The following ITFG1 variants were observed in gnomAD, a reference collection of about 807,000 sequenced individuals.
The protein encoded by ITFG1 is T-cell immunomodulatory protein.
In ITFG1, 34 loss-of-function variants were observed where a neutral mutation model predicts 81.8. The observed-to-expected ratio is 0.42, with a 90% CI of 0.32 to 0.55. ITFG1 has a LOEUF of 0.55. Among genes scored for constraint, ITFG1 ranks in the 20% least tolerant of loss-of-function variants. ITFG1 has a pLI of 0.17. For missense variants in ITFG1, 672 were observed against 755.4 expected (o/e 0.89, Z 1.29); for synonymous variants, 285 against 270.6 (o/e 1.05, Z -0.52).
At chr16:47,420,897 C>T (rs2151606497) in intron 6 of ITFG1, among the ~76,000 whole-genome samples, 1 of 152,244 alleles carries the variant, frequency 6.6e-6, no homozygotes, top group South Asian at 2.1e-4. Flanking sequence ...TCTATCTCTG[C>T]CTTTAGATAT....
intron 8 of ITFG1, among the ~76,000 whole-genome samples, chr16:47,325,944 A>G (rs1332084443): frequency 1.3e-5 from 2 of 152,174 alleles, no homozygotes; most frequent in Non-Finnish European, 2.9e-5. Flanking sequence ...AATCAACACA[A>G]AAAGAGGGAA....
intron 10 of ITFG1, among the ~76,000 whole-genome samples, chr16:47,285,314 G>T (rs1043780392): frequency 6.6e-6 from 1 of 152,222 alleles, no homozygotes; most frequent in Non-Finnish European, 1.5e-5. Context: ...GCTGGAGGGG[G>T]TTGTGCCCAG....
At chr16:47,388,088 G>A (rs1019301306) in intron 6 of ITFG1, among the ~76,000 whole-genome samples, 17 of 152,100 alleles carry the variant, frequency 1.1e-4, no homozygotes, top group Non-Finnish European at 7.3e-5. Context: ...GGGGCTCAAC[G>A]TTAGCTTTGA....
chr16:47,364,166 T>TA (rs1322176740), intron 8 of ITFG1, among the ~76,000 whole-genome samples: 1 of 152,200 alleles, frequency 6.6e-6, no homozygotes, highest in African/African-American at 2.4e-5. Flanking sequence ...CATGAACTTT[T>TA]AAAAAGCCAA....
At chr16:47,160,800 G>T (rs944595631) in intron 16 of ITFG1, among the ~76,000 whole-genome samples, 1 of 152,146 alleles carries the variant, frequency 6.6e-6, no homozygotes, top group Non-Finnish European at 1.5e-5. Context: ...TCATGGAGTA[G>T]ATTCTCCTAC....
At chr16:47,243,088 C>T (rs976889478) in intron 12 of ITFG1, among the ~76,000 whole-genome samples, 8 of 151,942 alleles carry the variant, frequency 5.3e-5, no homozygotes, top group Non-Finnish European at 1.2e-4. Flanking sequence ...CAGCACTATT[C>T]ATAATAAGAG....
At chr16:47,162,890 C>G in intron 14 of ITFG1, 1 of 294,362 alleles carries the variant, frequency 3.4e-6, no homozygotes, top group East Asian at 6.3e-5. Flanking sequence ...CTGCACTGAG[C>G]CTTGACCTCT....
At chr16:47,456,710 A>G (rs1036067163) in intron 2 of ITFG1, among the ~76,000 whole-genome samples, 11 of 151,872 alleles carry the variant, frequency 7.2e-5, no homozygotes, top group African/African-American at 2.7e-4. Context: ...AAAAAAAAAA[A>G]AAGTGGGTAG....
intron 12 of ITFG1, among the ~76,000 whole-genome samples, chr16:47,243,167 C>T (rs531846661): frequency 6.6e-6 from 1 of 152,104 alleles, no homozygotes; most frequent in South Asian, 2.1e-4. Context: ...CTATATGATA[C>T]TATTCAGTAG....
chr16:47,269,895 G>A lies in ITFG1; in HGVS notation c.1071-9200C>T, dbSNP rs569753015. ...AATTGACTACTCATTTTAAACAATA[G>A]TAATCAAGTGTGGTACTGCCACAAA... On this transcript the variant is annotated intron_variant, in intron 10 of 17. Transcript: ENST00000320640. Among the ~76,000 whole-genome samples the A allele has an allele frequency of 4.6e-5, 7 of 152,264 alleles. No individual in the cohort carries two copies. The South Asian group carries it at 6.2e-4, about 14-fold the overall frequency.
At chr16:47,456,026 T>C (rs1459384459) in intron 2 of ITFG1, among the ~76,000 whole-genome samples, 5 of 152,018 alleles carry the variant, frequency 3.3e-5, no homozygotes, top group African/African-American at 1.2e-4. Flanking sequence ...GCCTCTAGCT[T>C]GAAAGGGCCC....
intron 6 of ITFG1, among the ~76,000 whole-genome samples, chr16:47,420,883 A>G (rs981839600): frequency 6.6e-6 from 1 of 152,212 alleles, no homozygotes; most frequent in Non-Finnish European, 1.5e-5. Flanking sequence ...GGATTAAGAC[A>G]GAGTCTATCT....
At chr16:47,422,928 T>C (rs565804209) in intron 6 of ITFG1, among the ~76,000 whole-genome samples, 14 of 152,348 alleles carry the variant, frequency 9.2e-5, no homozygotes, top group Admixed American at 2.0e-4. Flanking sequence ...GTTCTGTAGA[T>C]GTCTATTAGG....
chr16:47,294,839 G>A lies in ITFG1; in HGVS notation c.1070+16401C>T, dbSNP rs915537335. Among the ~76,000 whole-genome samples the A allele has an allele frequency of 4.6e-5, 7 of 152,074 alleles. No homozygotes were observed. In the East Asian group the frequency reaches 1.2e-3, roughly 25 times the overall value. The stretch of plus-strand genomic sequence containing the variant: ...AGTTTGACTTTCTCTTTTCCAATTT[G>A]CATGGTTTTCATATCTTTCTATTGT... On this transcript the variant is annotated intron_variant, in intron 10 of 17. Transcript: ENST00000320640.
At chr16:47,280,484 G>C (rs1404912176) in intron 10 of ITFG1, among the ~76,000 whole-genome samples, 1 of 152,078 alleles carries the variant, frequency 6.6e-6, no homozygotes, top group African/African-American at 2.4e-5. Context: ...TTGATATATT[G>C]CTGGGATTCT....
intron 8 of ITFG1, among the ~76,000 whole-genome samples, chr16:47,330,550 T>C (rs1276208061): frequency 6.6e-6 from 1 of 151,854 alleles, no homozygotes; most frequent in Non-Finnish European, 1.5e-5. Context: ...ACCTATAGAA[T>C]GGGAGAAAAT....
intron 10 of ITFG1, among the ~76,000 whole-genome samples, chr16:47,293,300 C>A (rs1279210615): frequency 1.3e-5 from 2 of 151,160 alleles, no homozygotes; most frequent in East Asian, 3.9e-4. Flanking sequence ...AGTATGAATA[C>A]CGCTGCAATA....
Position 47,311,344 on chromosome 16 carries a change from T to C in ITFG1, c.966A>G (p.Glu322=). The change falls in exon 10 of 18, where the codon GAA becomes GAG. Residue 322 remains glutamate, a synonymous_variant. Transcript: ENST00000320640. ...GAATTGGTATTTCAGTTGGTTGCTG[T>C]TCATCCACAAATGGCACAAAGCCCC... is the stretch of plus-strand genomic sequence containing the variant. ...TLWGFVPFVD[E]QQPTEIPIPI... is the part of the protein sequence containing the mutation. 1 of 1,613,938 alleles carries C rather than the reference T, an allele frequency of 6.2e-7. No homozygotes were observed. The highest frequency in any genetic ancestry group is 8.5e-7 in the Non-Finnish European group (1 of 1,179,838).
chr16:47,259,085 C>G (rs1469039918), intron 11 of ITFG1, among the ~76,000 whole-genome samples: 3 of 152,158 alleles, frequency 2.0e-5, no homozygotes, highest in Non-Finnish European at 2.9e-5. Context: ...TTTCATCTGC[C>G]CTTGCCACCA....
Sources: gnomAD v4.1 joint callset for allele counts (sites outside exome capture counted in the v4.1 genomes callset) on GRCh38, gnomAD v4.1.1 for gene constraint, MANE v1.5 for transcripts, NCBI Gene and HGNC (gene_info 2026-07-23, HGNC 2026-07-21) for gene names.